ATXN10: variants seen among roughly 807,000 people sequenced by gnomAD.
ATXN10 encodes ataxin-10.
ATXN10 carries 28 observed loss-of-function variants against 52.9 expected under a neutral mutation model. That is an observed-to-expected ratio of 0.53 (90% confidence interval 0.39 to 0.73). The LOEUF is 0.73. Among genes scored for constraint, ATXN10 ranks in the 30% least tolerant of loss-of-function variants. The probability of loss-of-function intolerance (pLI) is 0.00; values close to 1 mark genes in which losing one functional copy is unlikely to be tolerated. For synonymous variants in ATXN10, 226 were observed against 221.5 expected, an observed-to-expected ratio of 1.02 and a Z score of -0.18; for missense variants, 565 against 577.0, an observed-to-expected ratio of 0.98 and a Z score of 0.21.
chr22:45,769,397 G>A lies in ATXN10; in HGVS notation c.1173+28859G>A, dbSNP rs1926697946. Among the ~76,000 whole-genome samples the A allele has an allele frequency of 6.6e-6, 1 of 152,044 alleles. No individual in the cohort carries two copies. The highest frequency in any genetic ancestry group is 6.6e-5 in the Admixed American group (1 of 15,262). On this transcript the variant is annotated intron_variant, in intron 9 of 11. Transcript: ENST00000252934. This position sits in a 1 kb window ranked among gnomAD's most constrained non-coding sequence, Gnocchi z 4.2. The stretch of plus-strand genomic sequence containing the variant: ...TGTGCTAGGTAGATGGGAGAATCAA[G>A]CATGAAATGGGTAGAATCCTGCCCG...
chr22:45,689,325 T>G, intron 1 of ATXN10: 1 of 282,380 alleles, frequency 3.5e-6, no homozygotes. Context: ...GGAACTGGGA[T>G]TTGGGTTGTC....
chr22:45,820,088 G>A lies in ATXN10; in HGVS notation c.1237+13066G>A, dbSNP rs1182023462. 6.6e-6 allele frequency among the ~76,000 whole-genome samples: 1 copy of A among 152,182 alleles called. No individual in the cohort carries two copies. Among genetic ancestry groups the A allele is most frequent in the Admixed American group, 6.5e-5 (1 of 15,280 alleles). On this transcript the variant is annotated intron_variant, in intron 10 of 11. Transcript: ENST00000252934. This position sits in a 1 kb window ranked among gnomAD's most constrained non-coding sequence, Gnocchi z 4.9. Reference sequence around the variant, plus strand: ...ATTTTGAGATGATCATTTCTATCAGGATCAGGAAGTGTTCTATTCTCTGTA... The same window carrying A: ...ATTTTGAGATGATCATTTCTATCAGAATCAGGAAGTGTTCTATTCTCTGTA...
rs1232934286 is a variant in ATXN10 at position 45,672,046 on chromosome 22, C to A, written c.-18C>A. On this transcript the variant is annotated 5_prime_UTR_variant, in exon 1 of 12. Coordinates refer to ENST00000252934, the MANE Select transcript of ATXN10 (RefSeq NM_013236.4). ...CTTCCTCCTCCTCGTCAGGCTCGAC[C>A]CAGCTGTGAGCGGCAAGATGGCGGC... The A allele has an allele frequency of 1.3e-6, 2 of 1,534,910 alleles. No individual in the cohort carries two copies. The highest frequency in any genetic ancestry group is 1.7e-6 in the Non-Finnish European group (2 of 1,144,532).
chr22:45,785,821 A>G (rs747995237), intron 9 of ATXN10, among the ~76,000 whole-genome samples: 2 of 152,234 alleles, frequency 1.3e-5, no homozygotes, highest in African/African-American at 2.4e-5. Flanking sequence ...GGAGGGGTAT[A>G]CTTGGCAGCC....
rs1000199177 is a variant in ATXN10 at position 45,781,471 on chromosome 22, C to T, written c.1174-25488C>T. 6.6e-6 allele frequency among the ~76,000 whole-genome samples: 1 copy of T among 152,198 alleles called. No individual in the cohort carries two copies. Among genetic ancestry groups the T allele is most frequent in the Non-Finnish European group, 1.5e-5 (1 of 68,042 alleles). On this transcript the variant is annotated intron_variant, in intron 9 of 11. Coordinates refer to ENST00000252934, the MANE Select transcript of ATXN10 (RefSeq NM_013236.4). The surrounding 1 kb of genome is among the most constrained non-coding windows in gnomAD (Gnocchi z 4.2). ...CAGTAGTGAGCTGCTCTGCCTTCCA[C>T]GTGCTGTTGTTGAACGAGCTCTGCT...
At chr22:45,698,010 C>T (rs146669911) in intron 3 of ATXN10, among the ~76,000 whole-genome samples, 22 of 152,250 alleles carry the variant, frequency 1.4e-4, no homozygotes, top group Non-Finnish European at 2.5e-4. Context: ...AATAATACTC[C>T]GTTGTTTTGA....
At chr22:45,714,102 C>G (rs1048648244) in intron 5 of ATXN10, among the ~76,000 whole-genome samples, 2 of 152,186 alleles carry the variant, frequency 1.3e-5, no homozygotes, top group African/African-American at 4.8e-5. Flanking sequence ...GTCAACTCCC[C>G]TGTCCCACAT....
intron 9 of ATXN10, chr22:45,793,586 C>A: frequency 1.5e-6 from 2 of 1,312,856 alleles, no homozygotes; most frequent in Non-Finnish European, 2.0e-6. Flanking sequence ...ATTCTGGAGC[C>A]TGCACCTTCA....
At chr22:45,729,316 T>C in intron 6 of ATXN10, 109 bp from the exon 7 acceptor site, 1 of 1,106,022 alleles carries the variant, frequency 9.0e-7, no homozygotes, top group African/African-American at 1.6e-5. Context: ...AGAAGCAAGG[T>C]AAGGAATTTA....
In ATXN10 at chr22:45,795,927, G is replaced by C. The variant is rs1230949261; in HGVS notation, c.1174-11032G>C. ...TGCACAAATTGTTTGTAAAGCATGT[G>C]TGTTTGAACAATATGAAATTTGGGC... On this transcript the variant is annotated intron_variant, in intron 9 of 11. Transcript: ENST00000252934. This position sits in a 1 kb window ranked among gnomAD's most constrained non-coding sequence, Gnocchi z 4.6. Among the ~76,000 whole-genome samples the C allele has an allele frequency of 6.6e-6, 1 of 152,228 alleles. No homozygotes were observed. Among genetic ancestry groups the C allele is most frequent in the East Asian group, 1.9e-4 (1 of 5,202 alleles).
intron 9 of ATXN10, among the ~76,000 whole-genome samples, chr22:45,747,672 T>G (rs1925784692): frequency 6.6e-6 from 1 of 152,208 alleles, no homozygotes; most frequent in Admixed American, 6.5e-5. Context: ...GAGTTGCCTC[T>G]TAGTTGACCA....
chr22:45,804,424 A>G (rs1928031977), intron 9 of ATXN10, among the ~76,000 whole-genome samples: 1 of 152,240 alleles, frequency 6.6e-6, no homozygotes, highest in African/African-American at 2.4e-5. Context: ...ATGGTTACCA[A>G]CTAATTTTTT....
chr22:45,782,843 G>A (rs1401947220), intron 9 of ATXN10, among the ~76,000 whole-genome samples: 1 of 152,176 alleles, frequency 6.6e-6, no homozygotes, highest in Non-Finnish European at 1.5e-5. Context: ...TGAAACCGAG[G>A]ATAGTACCAA....
chr22:45,823,700 A>C lies in ATXN10; in HGVS notation c.1237+16678A>C, dbSNP rs1234147426. On this transcript the variant is annotated intron_variant, in intron 10 of 11. Transcript: ENST00000252934. The surrounding 1 kb of genome is among the most constrained non-coding windows in gnomAD (Gnocchi z 4.9). ...TTCTTATATGTTGCTGGATTCAGTC[A>C]GTTGCTGTATCATTATGTTCATGGA... Among the ~76,000 whole-genome samples, 1 of 152,212 alleles carries C rather than the reference A, an allele frequency of 6.6e-6. No individual in the cohort carries two copies. The highest frequency in any genetic ancestry group is 1.5e-5 in the Non-Finnish European group (1 of 68,032).
At chr22:45,801,108 G>T (rs1244314766) in intron 9 of ATXN10, among the ~76,000 whole-genome samples, 3 of 152,250 alleles carry the variant, frequency 2.0e-5, no homozygotes, top group African/African-American at 7.2e-5. Flanking sequence ...TTTCTTCTGA[G>T]CAGGTCTTAC....
At chr22:45,704,303 A>T (rs1923954453) in intron 5 of ATXN10, among the ~76,000 whole-genome samples, 1 of 150,142 alleles carries the variant, frequency 6.7e-6, no homozygotes, top group Admixed American at 6.6e-5. Flanking sequence ...TCAACTTTTC[A>T]ATTTGTTAAA....
At position 45,702,760 on chromosome 22, in the gene ATXN10, A is replaced by G. The variant is rs756334226; in HGVS notation, c.560A>G (p.His187Arg). Residue 187 changes from histidine to arginine, a missense_variant, in exon 5 of 12, where the codon CAT (histidine) becomes CGT (arginine). By Grantham distance (29) the His-to-Arg change is conservative (BLOSUM62 0). Transcript: ENST00000252934. ...SSMILFTSLN[H>R]ERMKELEENL... ...ATGATTTTGTTTACATCCCTTAATC[A>G]TGAAAGAATGAAAGAACTGGAGGAG... is the stretch of plus-strand genomic sequence containing the variant. 3 of 1,614,086 alleles carry G rather than the reference A, an allele frequency of 1.9e-6. No homozygotes were observed. Among genetic ancestry groups the G allele is most frequent in the Admixed American group, 3.3e-5 (2 of 60,028 alleles).
chr22:45,772,459 A>T lies in ATXN10; in HGVS notation c.1173+31921A>T, dbSNP rs567662476. ...GTGCCTGTCTCTTCACCATTACAAC[A>T]TTGTCTTTATTACTGTCAATTTACA... is the stretch of plus-strand genomic sequence containing the variant. On this transcript the variant is annotated intron_variant, in intron 9 of 11. Transcript: ENST00000252934. This position sits in a 1 kb window ranked among gnomAD's most constrained non-coding sequence, Gnocchi z 4.1. Among the ~76,000 whole-genome samples, 1 of 152,270 alleles carries T rather than the reference A, an allele frequency of 6.6e-6. No individual in the cohort carries two copies. Among genetic ancestry groups the T allele is most frequent in the Admixed American group, 6.5e-5 (1 of 15,300 alleles).
intron 5 of ATXN10, among the ~76,000 whole-genome samples, chr22:45,706,571 C>G (rs1326678762): frequency 6.6e-6 from 1 of 152,158 alleles, no homozygotes; most frequent in Non-Finnish European, 1.5e-5. Flanking sequence ...ACTTTAGCAT[C>G]CCATAATTTA....
Sources: gnomAD v4.1 joint callset for allele counts (sites outside exome capture counted in the v4.1 genomes callset) on GRCh38, gnomAD v4.1.1 for gene constraint, Gnocchi (gnomAD v3.1) non-coding constraint, MANE v1.5 for transcripts, NCBI Gene and HGNC (gene_info 2026-07-23, HGNC 2026-07-21) for gene names.